Variants in CREB3L1 observed in about 807,000 individuals in gnomAD.
CREB3L1 encodes cyclic AMP-responsive element-binding protein 3-like protein 1.
Under a neutral mutation model 54.5 loss-of-function variants are expected in CREB3L1, and 33 were observed. The ratio of observed to expected loss-of-function variants is 0.61; its 90% CI spans 0.46 to 0.81. The LOEUF is 0.81. CREB3L1 is among the 30% of genes least tolerant of loss of function. The pLI, the probability that CREB3L1 is intolerant of heterozygous loss-of-function variation, is 0.00. For synonymous variants in CREB3L1, 284 were observed against 286.4 expected, an observed-to-expected ratio of 0.99 and a Z score of 0.08; for missense variants, 656 against 673.3, an observed-to-expected ratio of 0.97 and a Z score of 0.29.
chr11:46,281,755 G>A (rs1017681692), intron 1 of CREB3L1, among the ~76,000 whole-genome samples: 2 of 152,210 alleles, frequency 1.3e-5, no homozygotes, highest in African/African-American at 4.8e-5. Context: ...AGAGAAGTAT[G>A]TGTGTTTGGG....
chr11:46,279,815 C>T (rs1413220857), intron 1 of CREB3L1, among the ~76,000 whole-genome samples: 1 of 152,228 alleles, frequency 6.6e-6, no homozygotes, highest in Non-Finnish European at 1.5e-5. Flanking sequence ...CTTCTCTCGG[C>T]CCTTGGCAGC....
rs1190774304 is a variant in CREB3L1 at position 46,278,623 on chromosome 11, G to C, written c.102+410G>C. ...TCATAGGCTGGATCTCCGCTGGGGGGCGCACCGGGGAACGTTCAGAGGGCC... is the reference window on the plus strand; with the variant it reads ...TCATAGGCTGGATCTCCGCTGGGGGCCGCACCGGGGAACGTTCAGAGGGCC... On this transcript the variant is annotated intron_variant, in intron 1 of 11. Coordinates refer to ENST00000621158, the MANE Select transcript of CREB3L1 (RefSeq NM_052854.4). This position sits in a 1 kb window ranked among gnomAD's most constrained non-coding sequence, Gnocchi z 4.2. Among the ~76,000 whole-genome samples the C allele has an allele frequency of 6.6e-6, 1 of 152,200 alleles. No individual in the cohort carries two copies. The highest frequency in any genetic ancestry group is 1.5e-5 in the Non-Finnish European group (1 of 68,038).
At chr11:46,300,941 C>T (rs1360142494) in intron 2 of CREB3L1, among the ~76,000 whole-genome samples, 1 of 139,972 alleles carries the variant, frequency 7.1e-6, no homozygotes. Context: ...GGAGGCGGAG[C>T]TTGCAGTGAG....
At chr11:46,296,473 G>C (rs905215347) in intron 1 of CREB3L1, among the ~76,000 whole-genome samples, 4 of 152,062 alleles carry the variant, frequency 2.6e-5, no homozygotes, top group Non-Finnish European at 2.9e-5. Context: ...GAAATAGGAG[G>C]GGGGGAACGA....
At chr11:46,301,447 G>A (rs1349960255) in intron 2 of CREB3L1, among the ~76,000 whole-genome samples, 1 of 152,138 alleles carries the variant, frequency 6.6e-6, no homozygotes, top group Admixed American at 6.6e-5. Flanking sequence ...AGACCAGCCT[G>A]GCGAACGTGA....
chr11:46,278,354 T>A lies in CREB3L1; in HGVS notation c.102+141T>A, dbSNP rs1020865753. The A allele has an allele frequency of 5.4e-6, 3 of 550,936 alleles. No individual in the cohort carries two copies. The highest frequency in any genetic ancestry group is 6.4e-6 in the Non-Finnish European group (2 of 312,220). 34.1% of individuals were successfully genotyped at this position (550,936 alleles called of 1,614,324 possible). On this transcript the variant is annotated intron_variant, in intron 1 of 11. Transcript: ENST00000621158. The surrounding 1 kb of genome is among the most constrained non-coding windows in gnomAD (Gnocchi z 4.2). ...CAGCGCAGGGTCTCCAGGAGCGACATGTGTTTGGAGCTAAGCGCCCCTCCT... is the reference window on the plus strand; with the variant it reads ...CAGCGCAGGGTCTCCAGGAGCGACAAGTGTTTGGAGCTAAGCGCCCCTCCT...
rs1337123154 is a variant in CREB3L1 at position 46,295,933 on chromosome 11, C to A, written c.103-4002C>A. ...GCCGGCGCCGGCTGCGCGTGACAGC[C>A]GAGAAGGAGCTTATATTGGCACGAC... On this transcript the variant is annotated intron_variant, in intron 1 of 11. Coordinates refer to ENST00000621158, the MANE Select transcript of CREB3L1 (RefSeq NM_052854.4). This position sits in a 1 kb window ranked among gnomAD's most constrained non-coding sequence, Gnocchi z 4.6. Among the ~76,000 whole-genome samples, 2 of 152,158 alleles carry A rather than the reference C, an allele frequency of 1.3e-5. No homozygotes were observed. Among genetic ancestry groups the A allele is most frequent in the African/African-American group, 2.4e-5 (1 of 41,428 alleles).
chr11:46,319,002 T>C (rs1939608143), intron 10 of CREB3L1, among the ~76,000 whole-genome samples: 1 of 151,886 alleles, frequency 6.6e-6, no homozygotes, highest in Non-Finnish European at 1.5e-5. Context: ...GCAGCAGCAA[T>C]GCAAGGTCTG....
chr11:46,290,541 C>T (rs1939114661), intron 1 of CREB3L1, among the ~76,000 whole-genome samples: 1 of 151,766 alleles, frequency 6.6e-6, no homozygotes, highest in Admixed American at 6.6e-5. Flanking sequence ...CTGGCATGCA[C>T]TATCTGCTTG....
At chr11:46,285,485 G>A (rs1480664469) in intron 1 of CREB3L1, among the ~76,000 whole-genome samples, 6 of 152,248 alleles carry the variant, frequency 3.9e-5, no homozygotes, top group South Asian at 2.1e-4. Flanking sequence ...GGAGAGGCAG[G>A]AAATGCCCCA....
intron 1 of CREB3L1, among the ~76,000 whole-genome samples, chr11:46,293,283 GC>G (rs1380175470): frequency 6.6e-6 from 1 of 152,234 alleles, no homozygotes; most frequent in Non-Finnish European, 1.5e-5. Flanking sequence ...CCTCGGAGGT[GC>G]CAGACACAGC....
chr11:46,305,688 ATATGTGTG>A (rs1939381293), intron 2 of CREB3L1, among the ~76,000 whole-genome samples: 1 of 71,852 alleles, frequency 1.4e-5, no homozygotes, highest in Non-Finnish European at 2.6e-5. Flanking sequence ...GTGTGTGTAT[ATATGTGTG>A]TGTGTGTGTG....
rs192497220 is a variant in CREB3L1, at chr11:46,315,473, A to G, written c.1032-813A>G. The G allele has an allele frequency of 2.7e-4, 56 of 209,286 alleles. 2 individuals carry two copies. The Admixed American group carries it at 2.9e-3, about 11-fold the overall frequency. The allele number at this position is 209,286 out of a possible 1,614,324, so 13.0% of individuals were successfully genotyped here. The stretch of plus-strand genomic sequence containing the variant: ...CTCACCCTCAGGGAGGCCACAGTTA[A>G]TAAAGGAGACTGATGTGGAGATATA... On this transcript the variant is annotated intron_variant, in intron 8 of 11. Transcript: ENST00000621158.
intron 1 of CREB3L1, among the ~76,000 whole-genome samples, chr11:46,293,882 G>A (rs1306703350): frequency 6.6e-6 from 1 of 152,200 alleles, no homozygotes; most frequent in Non-Finnish European, 1.5e-5. Flanking sequence ...GCGTAGGGGT[G>A]TGAATCACTG....
At chr11:46,311,967 G>T (rs566700266) in intron 5 of CREB3L1, among the ~76,000 whole-genome samples, 1 of 152,294 alleles carries the variant, frequency 6.6e-6, no homozygotes, top group African/African-American at 2.4e-5. Flanking sequence ...ATGGAGCTAG[G>T]CCCTGAGCCC....
In CREB3L1 at chr11:46,310,006, T is replaced by C; in HGVS notation, c.534T>C (p.Thr178=). ...TTCCTCAGGCCCCGGGAGAGATGAC[T>C]CAGCTGCCAGTGATCAAAGCAGAGC... ...PIPHQAPGEM[T]QLPVIKAEPL... is the part of the protein sequence containing the mutation. The change falls in exon 4 of 12, where the codon ACT becomes ACC. Residue 178 remains threonine (T), a synonymous_variant. Transcript: ENST00000621158. 1 of 1,602,954 alleles carries C rather than the reference T, an allele frequency of 6.2e-7. No homozygotes were observed. The highest frequency in any genetic ancestry group is 8.5e-7 in the Non-Finnish European group (1 of 1,175,038).
intron 1 of CREB3L1, among the ~76,000 whole-genome samples, chr11:46,294,818 C>T (rs541552891): frequency 6.6e-6 from 1 of 151,550 alleles, no homozygotes; most frequent in Admixed American, 6.6e-5. Context: ...GGCAAGTAAC[C>T]GTCCGGGAAT....
At chr11:46,313,000 G>A in intron 8 of CREB3L1, 81 bp downstream of exon 8, 1 of 1,067,440 alleles carries the variant, frequency 9.4e-7, no homozygotes, top group Non-Finnish European at 1.4e-6. Context: ...CTGGGAGACA[G>A]GGGAGAGGAG....
chr11:46,286,350 C>T (rs140430431), intron 1 of CREB3L1, among the ~76,000 whole-genome samples: 1 of 152,326 alleles, frequency 6.6e-6, no homozygotes, highest in East Asian at 1.9e-4. Flanking sequence ...TTACTCAAAT[C>T]GTGAATGTTA....
Sources: allele counts gnomAD v4.1 joint callset (sites outside exome capture counted in the v4.1 genomes callset), GRCh38; gene constraint gnomAD v4.1.1; non-coding constraint Gnocchi (gnomAD v3.1); transcripts MANE v1.5; gene names NCBI Gene and HGNC (gene_info 2026-07-23, HGNC 2026-07-21).